Variants in SIPA1L1 observed in about 807,000 individuals in gnomAD.
SIPA1L1 encodes signal induced proliferation associated 1 like 1, also known as signal-induced proliferation-associated 1-like protein 1.
SIPA1L1 carries 26 observed loss-of-function variants against 162.7 expected under a neutral mutation model. The ratio of observed to expected loss-of-function variants is 0.16; its 90% CI spans 0.12 to 0.22. The LOEUF is 0.22. Ranked by LOEUF, SIPA1L1 falls within the 10% of genes least tolerant of loss-of-function variation. SIPA1L1 has a pLI of 1.00. For missense variants in SIPA1L1, 1,874 were observed against 2,241.0 expected (o/e 0.84, Z 3.31); for synonymous variants, 829 against 837.4 (o/e 0.99, Z 0.17).
rs2034991690 is a variant in SIPA1L1 at position 71,589,482 on chromosome 14, C to T, written c.1498+112C>T. The T allele has an allele frequency of 4.7e-6, 3 of 637,138 alleles. No homozygotes were observed. In the South Asian group the frequency reaches 8.2e-5, roughly 17 times the overall value. The allele number at this position is 637,138 out of a possible 1,614,324, so 39.5% of individuals were successfully genotyped here. A position where few individuals can be genotyped will look rare whatever the true frequency, so the allele number is the denominator to read the frequency against. On this transcript the variant is annotated intron_variant, in intron 5 of 23. Transcript: ENST00000381232. ...GTGACATAAGATTTGCATGTCTTAT[C>T]TTTCTTGATGGTAAAATAGCTAAAT...
chr14:71,496,725 C>G (rs552103335), intron 2 of SIPA1L1, among the ~76,000 whole-genome samples: 2 of 151,978 alleles, frequency 1.3e-5, no homozygotes, highest in Non-Finnish European at 2.9e-5. Flanking sequence ...AATTGTCTCT[C>G]TCAGTTCTGT....
chr14:71,543,865 A>G (rs185691260), intron 4 of SIPA1L1, among the ~76,000 whole-genome samples: 93 of 144,104 alleles, frequency 6.5e-4, no homozygotes, highest in Non-Finnish European at 9.4e-4. Context: ...TACATATATC[A>G]TACGTATGTG....
In SIPA1L1 at chr14:71,589,382, TC is replaced by T; in HGVS notation, c.1498+14del. Reference sequence around the variant, plus strand: ...TTTCTACCAGAAGGGTAAGTAGAGATCCTTTATTTCTTACATTTTCTTTTGC... The same window carrying T: ...TTTCTACCAGAAGGGTAAGTAGAGATCTTTATTTCTTACATTTTCTTTTGC... On this transcript the variant is annotated intron_variant, in intron 5 of 23. Coordinates refer to ENST00000381232, the MANE Select transcript of SIPA1L1 (RefSeq NM_001386936.1). The T allele has an allele frequency of 6.5e-7, 1 of 1,535,818 alleles. No homozygotes were observed. The highest frequency in any genetic ancestry group is 8.9e-7 in the Non-Finnish European group (1 of 1,121,016).
At chr14:71,702,238 C>G (rs1170285572) in intron 14 of SIPA1L1, 143 bp from the exon 15 acceptor site, 2 of 784,988 alleles carry the variant, frequency 2.5e-6, no homozygotes, top group Non-Finnish European at 4.2e-6. Context: ...TAAACACGAA[C>G]CAGGGTGTGT....
chr14:71,590,034 AAAAAAAAAAAATAT>A (rs1196292123), intron 5 of SIPA1L1, among the ~76,000 whole-genome samples: 220 of 72,654 alleles, frequency 3.0e-3, no homozygotes, highest in African/African-American at 9.3e-3. Context: ...AAAAAAAAAA[AAAAAAAAAAAATAT>A]ATATATATAT....
At chr14:71,442,037 G>A (rs138093185) in intron 2 of SIPA1L1, among the ~76,000 whole-genome samples, 2 of 151,820 alleles carry the variant, frequency 1.3e-5, no homozygotes, top group African/African-American at 2.4e-5. Context: ...GGTAGGCATG[G>A]TGGTGCATAC....
At chr14:71,673,899 T>C (rs1353422866) in intron 12 of SIPA1L1, among the ~76,000 whole-genome samples, 2 of 152,238 alleles carry the variant, frequency 1.3e-5, no homozygotes, top group Non-Finnish European at 2.9e-5. Flanking sequence ...AAGCATATCA[T>C]CATTAAATGT....
intron 4 of SIPA1L1, chr14:71,573,848 T>G (rs1021838771): frequency 2.6e-6 from 1 of 383,496 alleles, no homozygotes; most frequent in Admixed American, 3.0e-5. Flanking sequence ...TTGATTTGTA[T>G]GCCTTTGATG....
At position 71,380,284 on chromosome 14, in the gene SIPA1L1, A is replaced by C. The variant is rs76687252; in HGVS notation, c.-465+59103A>C. ...TAAATGGTTCTTGTAGATAACTTTT[A>C]GTTGAATATCCTTTGTGGTGTAAAA... On this transcript the variant is annotated intron_variant, in intron 2 of 23. Coordinates refer to ENST00000381232, the MANE Select transcript of SIPA1L1 (RefSeq NM_001386936.1). Among the ~76,000 whole-genome samples the C allele has an allele frequency of 1.2e-4, 19 of 152,344 alleles. No individual in the cohort carries two copies. In the East Asian group the frequency reaches 2.3e-3, roughly 19 times the overall value.
At chr14:71,651,976 G>T (rs1470411975) in intron 8 of SIPA1L1, among the ~76,000 whole-genome samples, 1 of 152,164 alleles carries the variant, frequency 6.6e-6, no homozygotes, top group African/African-American at 2.4e-5. Context: ...AACAGGGAAA[G>T]ATTCTTTTTC....
At chr14:71,340,936 C>T (rs1357396147) in intron 2 of SIPA1L1, among the ~76,000 whole-genome samples, 3 of 152,108 alleles carry the variant, frequency 2.0e-5, no homozygotes, top group Admixed American at 6.6e-5. Context: ...GAGACTCCGT[C>T]TCAAAAAAAG....
chr14:71,396,758 A>G (rs972853658), intron 2 of SIPA1L1, among the ~76,000 whole-genome samples: 2 of 152,172 alleles, frequency 1.3e-5, no homozygotes, highest in Non-Finnish European at 2.9e-5. Context: ...ATTATGCTAC[A>G]TGTGTCATTT....
chr14:71,595,061 T>C (rs975386938), intron 5 of SIPA1L1, among the ~76,000 whole-genome samples: 14 of 152,180 alleles, frequency 9.2e-5, no homozygotes, highest in African/African-American at 3.4e-4. Context: ...CTGGAAGGCT[T>C]TCACAGTGCC....
chr14:71,479,355 A>ATGTG (rs1390988713), intron 2 of SIPA1L1, among the ~76,000 whole-genome samples: 111 of 151,656 alleles, frequency 7.3e-4, no homozygotes, highest in African/African-American at 2.6e-3. Flanking sequence ...GTATGTATGT[A>ATGTG]TGTATGTATG....
At chr14:71,648,204 C>T (rs895148984) in intron 7 of SIPA1L1, among the ~76,000 whole-genome samples, 39 of 152,162 alleles carry the variant, frequency 2.6e-4, no homozygotes, top group Non-Finnish European at 2.1e-4. Flanking sequence ...GAGGGAGAAT[C>T]GCTTCAACTC....
intron 2 of SIPA1L1, among the ~76,000 whole-genome samples, chr14:71,489,142 C>T (rs1567095129): frequency 6.6e-6 from 1 of 152,214 alleles, no homozygotes; most frequent in African/African-American, 2.4e-5. Flanking sequence ...AAATGGAGGT[C>T]AGATTTAGAA....
At chr14:71,465,486 A>G (rs2046925026) in intron 2 of SIPA1L1, among the ~76,000 whole-genome samples, 1 of 152,172 alleles carries the variant, frequency 6.6e-6, no homozygotes. Flanking sequence ...GTAGTCACCA[A>G]ACTCCTTGCT....
chr14:71,699,510 A>G (rs571221635), intron 14 of SIPA1L1, among the ~76,000 whole-genome samples: 2 of 152,354 alleles, frequency 1.3e-5, no homozygotes, highest in East Asian at 3.9e-4. Flanking sequence ...TGTTTAAAAG[A>G]CATAGGGCGT....
At chr14:71,615,634 A>G (rs2038751119) in intron 5 of SIPA1L1, among the ~76,000 whole-genome samples, 1 of 152,172 alleles carries the variant, frequency 6.6e-6, no homozygotes, top group Admixed American at 6.5e-5. Flanking sequence ...GGGGAGCTAT[A>G]TAGGTTTCTG....
Sources: allele counts gnomAD v4.1 joint callset (sites outside exome capture counted in the v4.1 genomes callset), GRCh38; gene constraint gnomAD v4.1.1; transcripts MANE v1.5; gene names NCBI Gene and HGNC (gene_info 2026-07-23, HGNC 2026-07-21).